GARRE1: variants seen among roughly 807,000 people sequenced by gnomAD.
The protein encoded by GARRE1 is granule associated Rac and RHOG effector protein 1.
A neutral mutation model predicts 103.2 loss-of-function variants in GARRE1; 49 were observed. That is an observed-to-expected ratio of 0.47 (90% CI 0.38 to 0.60). GARRE1 has a LOEUF of 0.60. GARRE1 is among the 20% of genes least tolerant of loss of function. The probability of loss-of-function intolerance (pLI) is 0.00; values close to 1 mark genes in which losing one functional copy is unlikely to be tolerated. For synonymous variants in GARRE1, 505 were observed against 532.8 expected (o/e 0.95, Z 0.72); for missense variants, 1,199 against 1,370.5 (o/e 0.87, Z 1.98).
At chr19:34,269,677 C>T (rs887848610) in intron 1 of GARRE1, among the ~76,000 whole-genome samples, 12 of 152,154 alleles carry the variant, frequency 7.9e-5, no homozygotes, top group African/African-American at 2.9e-4. Flanking sequence ...ATCCTCCTGC[C>T]TTGGCCGTCT....
intron 8 of GARRE1, 86 bp from the exon 9 acceptor site, chr19:34,339,781 A>G (rs1041116486): frequency 1.3e-6 from 2 of 1,553,014 alleles, no homozygotes; most frequent in Admixed American, 1.8e-5. Flanking sequence ...AGGTACATAA[A>G]AGTTGTAGCC....
chr19:34,275,731 A>G (rs763838643), intron 1 of GARRE1, among the ~76,000 whole-genome samples: 8 of 152,290 alleles, frequency 5.3e-5, no homozygotes, highest in South Asian at 2.1e-4. Flanking sequence ...TCTCTTGGAT[A>G]TATATACCTA....
At chr19:34,312,009 T>G (rs2074039256) in intron 2 of GARRE1, among the ~76,000 whole-genome samples, 1 of 152,088 alleles carries the variant, frequency 6.6e-6, no homozygotes, top group Admixed American at 6.6e-5. Context: ...AGAGATGGAG[T>G]CTCACTGTGT....
At position 34,300,578 on chromosome 19, in the gene GARRE1, T is replaced by C; in HGVS notation, c.105T>C (p.Pro35=). The C allele has an allele frequency of 1.2e-6, 2 of 1,613,540 alleles. No homozygotes were observed. The highest frequency in any genetic ancestry group is 1.7e-6 in the Non-Finnish European group (2 of 1,180,030). The change falls in exon 2 of 14, where the codon CCT becomes CCC. Residue 35 remains proline (P), a synonymous_variant. Coordinates refer to ENST00000299505, the MANE Select transcript of GARRE1 (RefSeq NM_014686.5). ...KVQQHQQYPM[P]ELGRALSAPL... ...AGCAGCACCAGCAATACCCGATGCCTGAGCTGGGCCGAGCACTGAGTGCTC... is the reference window on the plus strand; with the variant it reads ...AGCAGCACCAGCAATACCCGATGCCCGAGCTGGGCCGAGCACTGAGTGCTC...
chr19:34,330,189 C>A lies in GARRE1; in HGVS notation c.1105C>A (p.His369Asn). 1.9e-6 allele frequency: 3 copies of A among 1,613,552 alleles called. No homozygotes were observed. Among genetic ancestry groups the A allele is most frequent in the Non-Finnish European group, 2.5e-6 (3 of 1,179,580 alleles). Residue 369 changes from histidine to asparagine, a missense_variant and splice_region_variant, in exon 7 of 14, where the codon CAT (histidine) becomes AAT (asparagine). Coordinates refer to ENST00000299505, the MANE Select transcript of GARRE1 (RefSeq NM_014686.5). ...GAACTCTCTTCTTATCAATCTATAG[C>A]ATACAATGTTACAGCTGATGAAGGA... ...SAADNLKLKT[H>N]TMLQLMKEAG...
rs569975603 is a variant in GARRE1 at position 34,333,684 on chromosome 19, T to G, written c.1264-20T>G. The G allele has an allele frequency of 1.9e-4, 236 of 1,256,332 alleles. 4 individuals are homozygous for G. Among genetic ancestry groups the G allele is most frequent in the East Asian group, 9.5e-4 (41 of 43,368 alleles). 77.8% of individuals were successfully genotyped at this position (1,256,332 alleles called of 1,614,324 possible). A position where few individuals can be genotyped will look rare whatever the true frequency, so the allele number is the denominator to read the frequency against. On this transcript the variant is annotated intron_variant, in intron 7 of 13. Transcript: ENST00000299505. ...GAAAGCTGGTTGTTATTTGTTTTTT[T>G]TTTTTTTTTTCGATCTTAGGTGGTG...
intron 12 of GARRE1, among the ~76,000 whole-genome samples, chr19:34,351,225 TAATA>T (rs2074235286): frequency 1.3e-5 from 2 of 148,188 alleles, no homozygotes; most frequent in African/African-American, 4.9e-5. Context: ...AAAATAATAA[TAATA>T]ATAATAATAA....
chr19:34,255,447 C>T (rs1211515022), intron 1 of GARRE1, among the ~76,000 whole-genome samples: 1 of 152,208 alleles, frequency 6.6e-6, no homozygotes, highest in Non-Finnish European at 1.5e-5. Context: ...TGGCAAAACA[C>T]TCAAGACGAC....
chr19:34,255,965 C>T (rs2073669732), intron 1 of GARRE1, among the ~76,000 whole-genome samples: 1 of 151,628 alleles, frequency 6.6e-6, no homozygotes, highest in African/African-American at 2.4e-5. Context: ...CTTTAGTCTC[C>T]CGAGTAGCTG....
chr19:34,320,375 C>A (rs569844071), intron 3 of GARRE1, among the ~76,000 whole-genome samples: 1 of 152,302 alleles, frequency 6.6e-6, no homozygotes, highest in Non-Finnish European at 1.5e-5. Flanking sequence ...GGCTAAGGGG[C>A]CAGGATGGAG....
At chr19:34,255,108 C>T (rs1367604860) in intron 1 of GARRE1, among the ~76,000 whole-genome samples, 1 of 152,056 alleles carries the variant, frequency 6.6e-6, no homozygotes, top group East Asian at 1.9e-4. Flanking sequence ...CTGCGCGCAC[C>T]TTCCCGGCGG....
At chr19:34,258,824 C>T (rs921563829) in intron 1 of GARRE1, among the ~76,000 whole-genome samples, 6 of 151,214 alleles carry the variant, frequency 4.0e-5, no homozygotes, top group African/African-American at 9.7e-5. Context: ...CACTTCTTTG[C>T]GAGGACAAGG....
rs143884399 is a variant in GARRE1, at chr19:34,304,567, C to T, written c.495+3599C>T. ...ATTTTTTTTGTATTTTTAGTAGAGA[C>T]GGGTTTCACCATGTTGACTAGGCTG... On this transcript the variant is annotated intron_variant, in intron 2 of 13. Transcript: ENST00000299505. Among the ~76,000 whole-genome samples, 38 of 150,332 alleles carry T rather than the reference C, an allele frequency of 2.5e-4. No individual in the cohort carries two copies. The East Asian group carries it at 3.6e-3, about 14-fold the overall frequency.
intron 1 of GARRE1, among the ~76,000 whole-genome samples, chr19:34,269,853 A>G (rs1343243665): frequency 1.3e-5 from 2 of 152,208 alleles, no homozygotes; most frequent in Non-Finnish European, 2.9e-5. Context: ...TCAAGTGAAC[A>G]TGCTTTAGTA....
At chr19:34,298,291 G>A (rs2073957946) in intron 1 of GARRE1, among the ~76,000 whole-genome samples, 1 of 151,810 alleles carries the variant, frequency 6.6e-6, no homozygotes, top group Non-Finnish European at 1.5e-5. Context: ...TGGTACATCT[G>A]TAGTCCCAGC....
chr19:34,263,263 G>GAT (rs2073730294), intron 1 of GARRE1, among the ~76,000 whole-genome samples: 1 of 117,954 alleles, frequency 8.5e-6, no homozygotes, highest in Non-Finnish European at 1.8e-5. Context: ...TCTCTCGATA[G>GAT]AGAGATAGAT....
At chr19:34,324,950 C>CT (rs2074105126) in intron 3 of GARRE1, among the ~76,000 whole-genome samples, 1 of 152,202 alleles carries the variant, frequency 6.6e-6, no homozygotes, top group Non-Finnish European at 1.5e-5. Flanking sequence ...ATTCAGCTTG[C>CT]TGAAATCTGG....
chr19:34,293,557 G>A (rs922728698), intron 1 of GARRE1, among the ~76,000 whole-genome samples: 28 of 151,054 alleles, frequency 1.9e-4, no homozygotes, highest in South Asian at 6.3e-4. Flanking sequence ...CATCATGCCC[G>A]GTTAATTTTT....
rs1168275458 is a variant in GARRE1 at position 34,353,792 on chromosome 19, C to G, written c.*837C>G. ...GATCCTTCCACACATGGCCAGGACA[C>G]TGCCACAATCCTCGGGGTGTGGTCA... On this transcript the variant is annotated 3_prime_UTR_variant, in exon 14 of 14. Coordinates refer to ENST00000299505, the MANE Select transcript of GARRE1 (RefSeq NM_014686.5). 4 of 152,340 alleles carry G rather than the reference C, an allele frequency of 2.6e-5. No individual in the cohort carries two copies. Among genetic ancestry groups the G allele is most frequent in the African/African-American group, 9.6e-5 (4 of 41,466 alleles). The allele number at this position is 152,340 out of a possible 1,614,324, so 9.4% of individuals were successfully genotyped here. A position where few individuals can be genotyped will look rare whatever the true frequency, so the allele number is the denominator to read the frequency against.
Sources: gnomAD v4.1 joint callset for allele counts (sites outside exome capture counted in the v4.1 genomes callset) on GRCh38, gnomAD v4.1.1 for gene constraint, MANE v1.5 for transcripts, NCBI Gene and HGNC (gene_info 2026-07-23, HGNC 2026-07-21) for gene names.